TFDP2: variants seen among roughly 807,000 people sequenced by gnomAD.
TFDP2 encodes the protein transcription factor Dp-2, also known as transcription factor Dp-2 (E2F dimerization partner 2).
A neutral mutation model predicts 59.3 loss-of-function variants in TFDP2; 17 were observed. The observed-to-expected ratio is 0.29, with a 90% CI of 0.20 to 0.43. The LOEUF is 0.43. Among genes scored for constraint, TFDP2 ranks in the 20% least tolerant of loss-of-function variants. The probability of loss-of-function intolerance (pLI) is 1.00; values close to 1 mark genes in which losing one functional copy is unlikely to be tolerated. For synonymous variants in TFDP2, 180 were observed against 194.7 expected (o/e 0.92, Z 0.63); for missense variants, 391 against 528.8 (o/e 0.74, Z 2.56).
chr3:142,017,876 C>T (rs967986931), intron 3 of TFDP2, among the ~76,000 whole-genome samples: 2 of 151,506 alleles, frequency 1.3e-5, no homozygotes, highest in Non-Finnish European at 1.5e-5. Context: ...TCAGTCTGAG[C>T]GTTGCTTTTA....
intron 3 of TFDP2, among the ~76,000 whole-genome samples, chr3:142,044,935 A>C (rs973060918): frequency 4.6e-5 from 7 of 152,134 alleles, no homozygotes; most frequent in Non-Finnish European, 7.4e-5. Context: ...TACTCAATAT[A>C]TATTTAGTTA....
chr3:142,021,371 T>C (rs1025003164), intron 3 of TFDP2, among the ~76,000 whole-genome samples: 3 of 152,210 alleles, frequency 2.0e-5, no homozygotes, highest in African/African-American at 7.2e-5. Flanking sequence ...AAAGCCTGAA[T>C]GTTTCTGCAG....
chr3:142,003,215 G>A (rs1318251531), intron 4 of TFDP2, among the ~76,000 whole-genome samples: 1 of 152,066 alleles, frequency 6.6e-6, no homozygotes, highest in Non-Finnish European at 1.5e-5. Flanking sequence ...TAGCCAGGAT[G>A]GTCTCGATCT....
At chr3:142,119,160 CA>C (rs919150480) in intron 1 of TFDP2, among the ~76,000 whole-genome samples, 46 of 141,732 alleles carry the variant, frequency 3.2e-4, no homozygotes, top group Middle Eastern at 3.5e-3. Flanking sequence ...GACACTGTTT[CA>C]AAAAAAAAAA....
intron 1 of TFDP2, among the ~76,000 whole-genome samples, chr3:142,110,383 A>T (rs2061611837): frequency 3.9e-5 from 6 of 152,082 alleles, no homozygotes; most frequent in Admixed American, 3.9e-4. Flanking sequence ...AAGCGCCTAT[A>T]ATCCCAGCTA....
At chr3:141,964,406 C>T (rs1331549948) in intron 9 of TFDP2, among the ~76,000 whole-genome samples, 3 of 152,242 alleles carry the variant, frequency 2.0e-5, no homozygotes, top group Non-Finnish European at 4.4e-5. Context: ...AATCCCAACA[C>T]TTTGGGAGGC....
At chr3:142,083,175 C>T (rs1326508157) in intron 3 of TFDP2, among the ~76,000 whole-genome samples, 1 of 152,062 alleles carries the variant, frequency 6.6e-6, no homozygotes, top group Non-Finnish European at 1.5e-5. Context: ...AGTTGCAGGA[C>T]ACAAATCAAC....
chr3:142,036,583 C>T (rs1946705489), intron 3 of TFDP2, among the ~76,000 whole-genome samples: 1 of 151,774 alleles, frequency 6.6e-6, no homozygotes, highest in Admixed American at 6.6e-5. Context: ...TCTAGAAGAC[C>T]ACATAGTAGA....
chr3:142,042,093 A>G (rs1947003852), intron 3 of TFDP2, among the ~76,000 whole-genome samples: 1 of 152,148 alleles, frequency 6.6e-6, no homozygotes, highest in Non-Finnish European at 1.5e-5. Context: ...AGGTAATGTG[A>G]GTCTTAGATA....
At chr3:141,977,562 A>G (rs1240059813) in intron 7 of TFDP2, among the ~76,000 whole-genome samples, 1 of 152,112 alleles carries the variant, frequency 6.6e-6, no homozygotes, top group Non-Finnish European at 1.5e-5. Context: ...ACTGTATTCC[A>G]TTTATTTGAG....
At chr3:142,130,287 T>C (rs2062445515) in intron 1 of TFDP2, among the ~76,000 whole-genome samples, 1 of 152,052 alleles carries the variant, frequency 6.6e-6, no homozygotes, top group Admixed American at 6.5e-5. Flanking sequence ...TTCTGACATA[T>C]GCTACATTGA....
Position 142,149,333 on chromosome 3 carries a change from G to T in TFDP2, c.-243C>A, listed in dbSNP as rs2063302852. On this transcript the variant is annotated 5_prime_UTR_variant, in exon 1 of 13. Transcript: ENST00000489671. ...CACCCGGGGAGACGCGGCCTGCCCGGTCAAGGCCCAGGAGTTTGAGGCCCC... is the reference window on the plus strand; with the variant it reads ...CACCCGGGGAGACGCGGCCTGCCCGTTCAAGGCCCAGGAGTTTGAGGCCCC... The T allele has an allele frequency of 1.0e-5, 4 of 393,658 alleles. No homozygotes were observed. The highest frequency in any genetic ancestry group is 1.8e-5 in the Non-Finnish European group (4 of 223,252). 24.4% of individuals were successfully genotyped at this position (393,658 alleles called of 1,614,324 possible). A position where few individuals can be genotyped will look rare whatever the true frequency, so the allele number is the denominator to read the frequency against.
chr3:142,068,003 TAAA>T (rs750432367), intron 3 of TFDP2, among the ~76,000 whole-genome samples: 9 of 115,848 alleles, frequency 7.8e-5, no homozygotes, highest in Admixed American at 1.8e-4. Context: ...GACTCTAGCT[TAAA>T]AAAAAAAAAA....
intron 1 of TFDP2, among the ~76,000 whole-genome samples, chr3:142,137,729 C>T (rs999559190): frequency 5.3e-5 from 8 of 152,062 alleles, no homozygotes; most frequent in African/African-American, 1.4e-4. Context: ...GGGATGAAGC[C>T]GACTTGACTG....
chr3:142,120,918 G>A (rs1343300071), intron 1 of TFDP2, among the ~76,000 whole-genome samples: 2 of 152,104 alleles, frequency 1.3e-5, no homozygotes, highest in Non-Finnish European at 2.9e-5. Context: ...CAGCAGCTCT[G>A]GGGTTATAGC....
intron 2 of TFDP2, among the ~76,000 whole-genome samples, chr3:142,099,711 A>G (rs952794660): frequency 9.9e-5 from 15 of 152,004 alleles, no homozygotes; most frequent in Non-Finnish European, 1.9e-4. Flanking sequence ...AAAAAAAAAA[A>G]AAAGAAATGA....
At chr3:142,101,625 A>G in intron 2 of TFDP2, 110 bp downstream of exon 2, 1 of 658,094 alleles carries the variant, frequency 1.5e-6, no homozygotes, top group Middle Eastern at 2.9e-4. Flanking sequence ...ACAATTATAA[A>G]TCCATGCAAG....
intron 3 of TFDP2, among the ~76,000 whole-genome samples, chr3:142,016,332 TCTGTCACC>T (rs1945133249): frequency 7.1e-6 from 1 of 139,948 alleles, no homozygotes; most frequent in East Asian, 2.1e-4. Context: ...ACAGTCTCAC[TCTGTCACC>T]CAGGCTAGAG....
At chr3:142,064,461 A>G (rs2060012130) in intron 3 of TFDP2, among the ~76,000 whole-genome samples, 1 of 152,148 alleles carries the variant, frequency 6.6e-6, no homozygotes, top group Non-Finnish European at 1.5e-5. Context: ...ATACTAAGAA[A>G]ATATCACCTT....
Sources: allele counts gnomAD v4.1 joint callset (sites outside exome capture counted in the v4.1 genomes callset), GRCh38; gene constraint gnomAD v4.1.1; transcripts MANE v1.5; gene names NCBI Gene and HGNC (gene_info 2026-07-23, HGNC 2026-07-21).